TRIM8: variants seen among roughly 807,000 people sequenced by gnomAD.
The protein encoded by TRIM8 is tripartite motif containing 8.
Under a neutral mutation model 55.7 loss-of-function variants are expected in TRIM8, and 9 were observed. The observed-to-expected ratio is 0.16, with a 90% CI of 0.10 to 0.28. The LOEUF (loss-of-function observed/expected upper bound fraction) is 0.28. TRIM8 is among the 10% of genes least tolerant of loss of function. The pLI is 1.00. For missense variants in TRIM8, 556 were observed against 736.4 expected, an observed-to-expected ratio of 0.76 and a Z score of 2.83; for synonymous variants, 335 against 333.3, an observed-to-expected ratio of 1.01 and a Z score of -0.06.
At position 102,650,769 on chromosome 10, in the gene TRIM8, GC is replaced by G. The variant is rs2063978085; in HGVS notation, c.571-3882del. On this transcript the variant is annotated intron_variant, in intron 1 of 5. Transcript: ENST00000643721. ...GTGGGAAGTGGGGCCTTGGCTCTTA[GC>G]CATTCCCTGGGGAGGCAGGTGGGGG... 7.2e-5 allele frequency among the ~76,000 whole-genome samples: 11 copies of G among 152,298 alleles called. No homozygotes were observed. In the South Asian group the frequency reaches 2.3e-3, roughly 32 times the overall value.
Position 102,657,408 on chromosome 10 carries a change from G to A in TRIM8, c.*54G>A, listed in dbSNP as rs1590111443. 3.3e-6 allele frequency: 5 copies of A among 1,515,492 alleles called. No homozygotes were observed. Among genetic ancestry groups the A allele is most frequent in the Admixed American group, 2.2e-5 (1 of 45,134 alleles). The allele number at this position is 1,515,492 out of a possible 1,614,324, so 93.9% of individuals were successfully genotyped here. ...ATCTTCCTCCCCAGCCCCCGGGCTC[G>A]GGAGTTATGCATCCAGAGACCTGCC... On this transcript the variant is annotated 3_prime_UTR_variant, in exon 6 of 6. Coordinates refer to ENST00000643721, the MANE Select transcript of TRIM8 (RefSeq NM_030912.3).
chr10:102,646,211 C>T (rs1360630079), intron 1 of TRIM8, among the ~76,000 whole-genome samples: 3 of 152,198 alleles, frequency 2.0e-5, no homozygotes, highest in Non-Finnish European at 4.4e-5. Context: ...CTCCCCAGTC[C>T]TCTGGCTTTC....
chr10:102,656,278 C>G lies in TRIM8; in HGVS notation c.941C>G (p.Thr314Ser). 1 of 1,614,210 alleles carries G rather than the reference C, an allele frequency of 6.2e-7. No homozygotes were observed. Among genetic ancestry groups the G allele is most frequent in the Non-Finnish European group, 8.5e-7 (1 of 1,180,028 alleles). ...CCGTCCACTGCCCCCAGGACCCAGA[C>G]CTGCACGAGCAGCAGCCTTTCCCCC... ...SVKILMDRTQ[T>S]CTSSSLSPTK... Residue 314 changes from threonine to serine, a missense_variant, in exon 5 of 6, where the codon ACC becomes AGC. By Grantham distance (58) the Thr-to-Ser change is moderately conservative. Around this residue, in one of 2 missense-constraint regions of TRIM8, gnomAD observed 391 missense variants for 441.0 expected, o/e 0.89. Transcript: ENST00000643721. The surrounding 1 kb of genome is among the most constrained non-coding windows in gnomAD (Gnocchi z 4.6).
chr10:102,648,253 G>C (rs1298248060), intron 1 of TRIM8, among the ~76,000 whole-genome samples: 1 of 152,166 alleles, frequency 6.6e-6, no homozygotes, highest in African/African-American at 2.4e-5. Context: ...ACTGGTGGGA[G>C]CTGGGGGGCA....
intron 2 of TRIM8, 109 bp downstream of exon 2, chr10:102,654,857 A>T (rs901215213): frequency 1.0e-5 from 10 of 975,420 alleles, no homozygotes; most frequent in Non-Finnish European, 1.5e-5. Flanking sequence ...GAACCACTCC[A>T]TCAGTCATTC....
intron 1 of TRIM8, among the ~76,000 whole-genome samples, chr10:102,652,008 T>C (rs916738461): frequency 6.6e-6 from 1 of 152,200 alleles, no homozygotes; most frequent in Non-Finnish European, 1.5e-5. Flanking sequence ...CCACTCATGC[T>C]GTGTGTGCTG....
chr10:102,654,978 C>T lies in TRIM8; in HGVS notation c.667-102C>T, dbSNP rs557674630. The T allele has an allele frequency of 1.2e-4, 164 of 1,370,346 alleles. No homozygotes were observed. In the African/African-American group the frequency reaches 1.3e-3, roughly 11 times the overall value. The allele number at this position is 1,370,346 out of a possible 1,614,324, so 84.9% of individuals were successfully genotyped here. On this transcript the variant is annotated intron_variant, in intron 2 of 5. Transcript: ENST00000643721. ...CTTGCCCTTGGGAGCCTGGGGCAGC[C>T]TGGTGACTTAGGGTTCTAGGATGTG...
At position 102,654,724 on chromosome 10, in the gene TRIM8, C is replaced by T. The variant is rs371142024; in HGVS notation, c.642C>T (p.Leu214=). Residue 214 remains leucine (L), a synonymous_variant, in exon 2 of 6, where the codon CTC becomes CTT. Coordinates refer to ENST00000643721, the MANE Select transcript of TRIM8 (RefSeq NM_030912.3). ...ACATTGAGGACCAGCTGTACAAACT[C>T]GAGTCAGACAAGCGCCTGGTGGAGG... is the stretch of plus-strand genomic sequence containing the variant. ...EQDIEDQLYK[L]ESDKRLVEEK... 134 of 1,614,030 alleles carry T rather than the reference C, an allele frequency of 8.3e-5. 1 individual carries two copies. The highest frequency in any genetic ancestry group is 1.1e-4 in the Non-Finnish European group (124 of 1,179,986).
In TRIM8 at chr10:102,655,278, C is replaced by T; in HGVS notation, c.865C>T (p.Leu289Phe). 1 of 1,603,622 alleles carries T rather than the reference C, an allele frequency of 6.2e-7. No individual in the cohort carries two copies. Among genetic ancestry groups the T allele is most frequent in the Non-Finnish European group, 8.5e-7 (1 of 1,177,254 alleles). Residue 289 changes from leucine to phenylalanine, a missense_variant, in exon 3 of 6, where the codon CTC (leucine) becomes TTC (phenylalanine). By Grantham distance (22) the Leu-to-Phe change is conservative. Coordinates refer to ENST00000643721, the MANE Select transcript of TRIM8 (RefSeq NM_030912.3). Reference protein sequence around the residue: ...AKKLLGSLQLLFDKTEDVSFM... With the variant: ...AKKLLGSLQLFFDKTEDVSFM... ...GAAGCTGCTGGGCTCCCTGCAGCTG[C>T]TCTTTGATAAGACGGAGGATGTCAG... is the stretch of plus-strand genomic sequence containing the variant.
intron 1 of TRIM8, among the ~76,000 whole-genome samples, chr10:102,648,692 T>C (rs1018523833): frequency 6.6e-6 from 1 of 152,180 alleles, no homozygotes; most frequent in Non-Finnish European, 1.5e-5. Context: ...GGGCTGGTGC[T>C]GAGGCTGGGG....
chr10:102,656,077 C>T lies in TRIM8; in HGVS notation c.901-29C>T. On this transcript the variant is annotated intron_variant, in intron 3 of 5. Transcript: ENST00000643721. This position sits in a 1 kb window ranked among gnomAD's most constrained non-coding sequence, Gnocchi z 4.6. The stretch of plus-strand genomic sequence containing the variant: ...GGCTCTCCCTGGACTGCCTTTTCCA[C>T]TGACTTGACTCTTTTCTCTCCCCAA... The T allele has an allele frequency of 6.2e-7, 1 of 1,614,172 alleles. No homozygotes were observed. The highest frequency in any genetic ancestry group is 2.2e-5 in the East Asian group (1 of 44,888).
Sources: allele counts gnomAD v4.1 joint callset (sites outside exome capture counted in the v4.1 genomes callset), GRCh38; gene constraint gnomAD v4.1.1; regional missense constraint gnomAD v4.1.1; non-coding constraint Gnocchi (gnomAD v3.1); transcripts MANE v1.5; gene names NCBI Gene and HGNC (gene_info 2026-07-23, HGNC 2026-07-21).